Variants in BMS1 observed in about 807,000 individuals in gnomAD.
BMS1 encodes ribosome biogenesis protein BMS1 homolog.
Under a neutral mutation model 138.7 loss-of-function variants are expected in BMS1, and 53 were observed. That is an observed-to-expected ratio of 0.38 (90% CI 0.31 to 0.48). BMS1 has a LOEUF of 0.48. BMS1 is among the 20% of genes least tolerant of loss of function. BMS1 has a pLI of 0.97. For missense variants in BMS1, 1,360 were observed against 1,565.5 expected (o/e 0.87, Z 2.22); for synonymous variants, 504 against 539.9 (o/e 0.93, Z 0.92).
intron 13 of BMS1, among the ~76,000 whole-genome samples, chr10:42,809,085 A>C (rs964933044): frequency 2.6e-5 from 4 of 152,242 alleles, no homozygotes; most frequent in Admixed American, 2.0e-4. Flanking sequence ...CCTATAGATC[A>C]GTTTGGGGGG....
At chr10:42,794,127 C>G in intron 9 of BMS1, 136 bp downstream of exon 9, 2 of 930,930 alleles carry the variant, frequency 2.1e-6, no homozygotes, top group Non-Finnish European at 3.2e-6. Flanking sequence ...GTGCATGTGT[C>G]TCTGAGGGCT....
intron 8 of BMS1, 128 bp from the exon 9 acceptor site, chr10:42,793,724 C>G: frequency 8.9e-7 from 1 of 1,126,488 alleles, no homozygotes; most frequent in Non-Finnish European, 1.3e-6. Context: ...TTCTTCTCTG[C>G]TTTTTGAGGC....
At position 42,821,090 on chromosome 10, in the gene BMS1, A is replaced by C; in HGVS notation, c.3009+98A>C. 4.1e-6 allele frequency: 4 copies of C among 982,702 alleles called. No homozygotes were observed. The Admixed American group carries it at 8.0e-5, about 20-fold the overall frequency. The allele number at this position is 982,702 out of a possible 1,614,324, so 60.9% of individuals were successfully genotyped here. A position where few individuals can be genotyped will look rare whatever the true frequency, so the allele number is the denominator to read the frequency against. On this transcript the variant is annotated intron_variant, in intron 18 of 22. Transcript: ENST00000374518. Reference sequence around the variant, plus strand: ...TGAGACTTTAAGTTGAAAATTACTCATTTTTATTAATACAAAGTAAATTTC... The same window carrying C: ...TGAGACTTTAAGTTGAAAATTACTCCTTTTTATTAATACAAAGTAAATTTC...
chr10:42,810,367 G>A (rs1842137065), intron 13 of BMS1, among the ~76,000 whole-genome samples: 1 of 152,110 alleles, frequency 6.6e-6, no homozygotes, highest in Non-Finnish European at 1.5e-5. Context: ...CTTTTTATGT[G>A]TTGTTGGATT....
intron 13 of BMS1, among the ~76,000 whole-genome samples, chr10:42,812,599 C>T (rs1358027378): frequency 2.6e-5 from 4 of 152,160 alleles, no homozygotes; most frequent in East Asian, 1.9e-4. Context: ...TGGCTGAACA[C>T]GACACCTGGC....
intron 13 of BMS1, among the ~76,000 whole-genome samples, chr10:42,805,808 T>G (rs1042807919): frequency 3.9e-5 from 6 of 152,164 alleles, no homozygotes; most frequent in Non-Finnish European, 7.4e-5. Flanking sequence ...TACTTGTTAG[T>G]TCTGTTTTTG....
At chr10:42,828,613 G>T (rs1842723008) in intron 21 of BMS1, among the ~76,000 whole-genome samples, 1 of 145,906 alleles carries the variant, frequency 6.9e-6, no homozygotes, top group Non-Finnish European at 1.5e-5. Flanking sequence ...GGCCTCTTCA[G>T]TTTTTTTTTT....
At chr10:42,817,210 A>AACAG in intron 14 of BMS1, 108 bp from the exon 15 acceptor site, 3 of 881,342 alleles carry the variant, frequency 3.4e-6, no homozygotes, top group Non-Finnish European at 5.2e-6. Flanking sequence ...TGATAATGAT[A>AACAG]ACAGATTTTT....
Position 42,784,577 on chromosome 10 carries a change from T to G in BMS1, c.176+7T>G. The G allele has an allele frequency of 6.2e-7, 1 of 1,603,862 alleles. No individual in the cohort carries two copies. The highest frequency in any genetic ancestry group is 8.5e-7 in the Non-Finnish European group (1 of 1,176,532). On this transcript the variant is annotated splice_region_variant and intron_variant, in intron 2 of 22. Transcript: ENST00000374518. ...TGGCTCGATCCTTTCACAGGTATGT[T>G]AGGCTACGGTCTGGTCATTCTTCCA...
rs541413512 is a variant in BMS1 at position 42,786,345 on chromosome 10, G to A, written c.367+673G>A. ...AAACTTCCAGTGGTAGAATGGCAAT[G>A]TACACTCTGAAATCTCTTGTTATTG... On this transcript the variant is annotated intron_variant, in intron 3 of 22. Transcript: ENST00000374518. Among the ~76,000 whole-genome samples, 3 of 152,286 alleles carry A rather than the reference G, an allele frequency of 2.0e-5. No individual in the cohort carries two copies. In the East Asian group the frequency reaches 5.8e-4, roughly 29 times the overall value.
chr10:42,792,540 G>A lies in BMS1; in HGVS notation c.827G>A (p.Cys276Tyr). The A allele has an allele frequency of 6.2e-7, 1 of 1,611,726 alleles. No homozygotes were observed. Among genetic ancestry groups the A allele is most frequent in the Non-Finnish European group, 8.5e-7 (1 of 1,179,786 alleles). Residue 276 changes from cysteine to tyrosine, a missense_variant, in exon 7 of 23, where the codon TGT (cysteine) becomes TAT (tyrosine). Around this residue, in one of 3 missense-constraint regions of BMS1, gnomAD observed 697 missense variants for 686.2 expected, o/e 1.02. Transcript: ENST00000374518. ...NPEDIRTNIKCDRKVSLYGYL... is the reference protein window; with the variant it reads ...NPEDIRTNIKYDRKVSLYGYL... ...GAGGATATCCGAACAAACATCAAAT[G>A]TGACCGGAAGGTGTCACTTTATGGT...
rs545601803 is a variant in BMS1, at chr10:42,813,993, G to A, written c.2330-2606G>A. ...TGAAAATGTTGTGCCACTTCCTTCT[G>A]GCCTCCATGGCATTTGAGTTGGCAT... On this transcript the variant is annotated intron_variant, in intron 13 of 22. Coordinates refer to ENST00000374518, the MANE Select transcript of BMS1 (RefSeq NM_014753.4). 3.5e-4 allele frequency among the ~76,000 whole-genome samples: 54 copies of A among 152,130 alleles called. 1 individual carries two copies. Among genetic ancestry groups the A allele is most frequent in the Non-Finnish European group, 2.9e-4 (20 of 67,988 alleles).
At chr10:42,807,522 G>T (rs1397167435) in intron 13 of BMS1, among the ~76,000 whole-genome samples, 2 of 152,250 alleles carry the variant, frequency 1.3e-5, no homozygotes, top group Admixed American at 1.3e-4. Context: ...CCAGTCTGGG[G>T]TGCAGTGGTG....
At chr10:42,798,180 C>T (rs1359608283) in intron 11 of BMS1, among the ~76,000 whole-genome samples, 1 of 152,166 alleles carries the variant, frequency 6.6e-6, no homozygotes, top group Non-Finnish European at 1.5e-5. Context: ...CCTTTAAATT[C>T]CCTTCCCTCC....
At position 42,821,542 on chromosome 10, in the gene BMS1, C is replaced by CTTTTTTTTTTTTTTTTTTT. The variant is rs34272995; in HGVS notation, c.3010-510_3010-492dup. On this transcript the variant is annotated intron_variant, in intron 18 of 22. Coordinates refer to ENST00000374518, the MANE Select transcript of BMS1 (RefSeq NM_014753.4). ...ACTCTCAGGAAAGTACTCAAGGCGCCTTTTTTTTTTTTTTTTTTTTTTTTT... is the reference window on the plus strand; with the variant it reads ...ACTCTCAGGAAAGTACTCAAGGCGCCTTTTTTTTTTTTTTTTTTTTTTTTTTTTTTTTTTTTTTTTTTTT... Among the ~76,000 whole-genome samples the CTTTTTTTTTTTTTTTTTTT allele has an allele frequency of 2.9e-5, 2 of 68,594 alleles. 1 individual carries two copies. The allele number at this position is 68,594 out of a possible 152,430, so 45.0% of individuals were successfully genotyped here.
At chr10:42,802,547 T>C (rs1456014554) in intron 13 of BMS1, among the ~76,000 whole-genome samples, 2 of 152,032 alleles carry the variant, frequency 1.3e-5, no homozygotes, top group African/African-American at 4.8e-5. Context: ...TAGTATGCAT[T>C]GTGGAAAATT....
chr10:42,794,602 A>T (rs1198076092), intron 9 of BMS1, among the ~76,000 whole-genome samples: 1 of 150,994 alleles, frequency 6.6e-6, no homozygotes. Flanking sequence ...AGAATGCCTG[A>T]CAGGTACGAA....
intron 13 of BMS1, among the ~76,000 whole-genome samples, chr10:42,810,839 C>T (rs1335092264): frequency 6.6e-6 from 1 of 152,108 alleles, no homozygotes; most frequent in Non-Finnish European, 1.5e-5. Flanking sequence ...AGAGTATTTG[C>T]TTAATACTCT....
At chr10:42,794,775 T>A (rs1477837616) in intron 9 of BMS1, among the ~76,000 whole-genome samples, 1 of 151,630 alleles carries the variant, frequency 6.6e-6, no homozygotes, top group African/African-American at 2.4e-5. Flanking sequence ...TTTTTTTTTT[T>A]ATTATACTTT....
Sources: gnomAD v4.1 joint callset for allele counts (sites outside exome capture counted in the v4.1 genomes callset) on GRCh38, gnomAD v4.1.1 for gene constraint, gnomAD v4.1.1 regional missense constraint, MANE v1.5 for transcripts, NCBI Gene and HGNC (gene_info 2026-07-23, HGNC 2026-07-21) for gene names.